The following NECTIN3 variants were observed in gnomAD, a reference collection of about 807,000 sequenced individuals.
NECTIN3 encodes nectin cell adhesion molecule 3.
A neutral mutation model predicts 49.4 loss-of-function variants in NECTIN3; 8 were observed. That is an observed-to-expected ratio of 0.16 (90% CI 0.10 to 0.29). The LOEUF is 0.29. Ranked by LOEUF, NECTIN3 falls within the 10% of genes least tolerant of loss-of-function variation. NECTIN3 has a pLI of 1.00. For missense variants in NECTIN3, 581 were observed against 654.6 expected (o/e 0.89, Z 1.23); for synonymous variants, 277 against 241.1 (o/e 1.15, Z -1.38).
Position 111,134,325 on chromosome 3 carries a change from T to G in NECTIN3, c.*110T>G. ...AAGAATAAGCTTTTTCAAGTTGATT[T>G]TCAAGCTTACTTTTTATATTCTAAT... On this transcript the variant is annotated 3_prime_UTR_variant, in exon 6 of 6. Transcript: ENST00000485303. The G allele has an allele frequency of 6.9e-7, 1 of 1,451,406 alleles. No individual in the cohort carries two copies. The highest frequency in any genetic ancestry group is 9.0e-7 in the Non-Finnish European group (1 of 1,105,498). The allele number at this position is 1,451,406 out of a possible 1,614,324, so 89.9% of individuals were successfully genotyped here. A position where few individuals can be genotyped will look rare whatever the true frequency, so the allele number is the denominator to read the frequency against.
chr3:111,132,897 CT>C (rs1367166985), intron 5 of NECTIN3, among the ~76,000 whole-genome samples: 1 of 151,892 alleles, frequency 6.6e-6, no homozygotes, highest in Admixed American at 6.6e-5. Flanking sequence ...CATATTTTTA[CT>C]TTGTCTATTA....
chr3:111,152,746 A>T (rs547858574), intron 7 of NECTIN3, among the ~76,000 whole-genome samples: 3 of 152,054 alleles, frequency 2.0e-5, no homozygotes, highest in African/African-American at 7.2e-5. Context: ...AACAATTATG[A>T]TTGGAGCTCA....
chr3:111,114,026 G>A (rs1333564605), intron 2 of NECTIN3, among the ~76,000 whole-genome samples: 3 of 152,070 alleles, frequency 2.0e-5, no homozygotes, highest in African/African-American at 4.8e-5. Context: ...CTTTGCATAT[G>A]AAAGAGCAAG....
intron 1 of NECTIN3, among the ~76,000 whole-genome samples, chr3:111,076,289 CA>C (rs1206686883): frequency 3.9e-5 from 6 of 152,084 alleles, no homozygotes; most frequent in Non-Finnish European, 8.8e-5. Flanking sequence ...AGCATTTTGA[CA>C]TTCTGTAACT....
intron 7 of NECTIN3, among the ~76,000 whole-genome samples, chr3:111,161,543 G>A (rs1253312220): frequency 6.6e-6 from 1 of 152,138 alleles, no homozygotes; most frequent in Non-Finnish European, 1.5e-5. Flanking sequence ...GAGCAGCAGG[G>A]GAGTCAGCAT....
intron 1 of NECTIN3, among the ~76,000 whole-genome samples, chr3:111,094,295 G>A (rs1164056240): frequency 6.6e-6 from 1 of 151,810 alleles, no homozygotes; most frequent in African/African-American, 2.4e-5. Flanking sequence ...TTCACCCATA[G>A]GCATAGTTTT....
At chr3:111,167,126 T>A (rs2035334425) in intron 7 of NECTIN3, among the ~76,000 whole-genome samples, 1 of 152,228 alleles carries the variant, frequency 6.6e-6, no homozygotes, top group East Asian at 1.9e-4. Flanking sequence ...GTAGCCACAT[T>A]CACTTTGTAA....
chr3:111,180,615 G>A (rs937812431), intron 7 of NECTIN3, among the ~76,000 whole-genome samples: 3 of 152,138 alleles, frequency 2.0e-5, no homozygotes, highest in African/African-American at 7.2e-5. Context: ...TAATAGATAT[G>A]AGTGTAATAT....
intron 7 of NECTIN3, among the ~76,000 whole-genome samples, chr3:111,155,371 AC>A (rs1157322558): frequency 6.6e-6 from 1 of 152,198 alleles, no homozygotes; most frequent in East Asian, 1.9e-4. Context: ...TTTAATCAAG[AC>A]TTGATTGATT....
intron 7 of NECTIN3, among the ~76,000 whole-genome samples, chr3:111,179,298 G>C (rs555532471): frequency 6.6e-6 from 1 of 152,230 alleles, no homozygotes; most frequent in South Asian, 2.1e-4. Flanking sequence ...CCTGTTCTTT[G>C]CAAGTAGTAA....
chr3:111,081,450 G>C (rs977630902), intron 1 of NECTIN3, among the ~76,000 whole-genome samples: 3 of 152,198 alleles, frequency 2.0e-5, no homozygotes, highest in Non-Finnish European at 2.9e-5. Flanking sequence ...GTGTATGTGT[G>C]TGTGTGTATT....
At chr3:111,104,079 A>G (rs1226640479) in intron 1 of NECTIN3, among the ~76,000 whole-genome samples, 1 of 152,136 alleles carries the variant, frequency 6.6e-6, no homozygotes, top group African/African-American at 2.4e-5. Flanking sequence ...ACTTTAAGAG[A>G]CTGCTAAGTG....
intron 7 of NECTIN3, among the ~76,000 whole-genome samples, chr3:111,178,152 G>A (rs2035564637): frequency 6.6e-6 from 1 of 152,182 alleles, no homozygotes; most frequent in African/African-American, 2.4e-5. Flanking sequence ...TTTTGGTTAA[G>A]ACAGCATTTT....
downstream of NECTIN3, among the ~76,000 whole-genome samples, chr3:111,138,303 T>C (rs1295065232): frequency 6.6e-6 from 1 of 151,590 alleles, no homozygotes; most frequent in Non-Finnish European, 1.5e-5. Flanking sequence ...TTAGACTGGG[T>C]TGTTTTGTTC....
rs1256197093 is a variant in NECTIN3, at chr3:111,071,996, C to T, written c.-22C>T. On this transcript the variant is annotated 5_prime_UTR_variant, in exon 1 of 6. Transcript: ENST00000485303. ...GGGAGCCGGGGGGCGGGCGGGCGAGCGGGCCGGGGGGAGGGTGGGGGATGG... is the reference window on the plus strand; with the variant it reads ...GGGAGCCGGGGGGCGGGCGGGCGAGTGGGCCGGGGGGAGGGTGGGGGATGG... 3 of 1,145,544 alleles carry T rather than the reference C, an allele frequency of 2.6e-6. No individual in the cohort carries two copies. The East Asian group carries it at 1.6e-4, about 62-fold the overall frequency. 71.0% of individuals were successfully genotyped at this position (1,145,544 alleles called of 1,614,324 possible).
chr3:111,147,628 A>T, intron 7 of NECTIN3: 2 of 722,680 alleles, frequency 2.8e-6, no homozygotes, highest in Non-Finnish European at 4.4e-6. Context: ...TTGTTTAGTC[A>T]TTATGCATTA....
At chr3:111,164,701 A>G (rs759984238) in intron 7 of NECTIN3, among the ~76,000 whole-genome samples, 5 of 152,264 alleles carry the variant, frequency 3.3e-5, no homozygotes, top group South Asian at 2.1e-4. Context: ...CTTCCTCTCT[A>G]TAACTACATT....
At chr3:111,076,505 A>G (rs2031211155) in intron 1 of NECTIN3, among the ~76,000 whole-genome samples, 1 of 152,136 alleles carries the variant, frequency 6.6e-6, no homozygotes, top group Non-Finnish European at 1.5e-5. Context: ...TACCATGCAC[A>G]CAGATCCAAA....
At chr3:111,127,470 T>C (rs1446609859) in intron 5 of NECTIN3, among the ~76,000 whole-genome samples, 27 of 151,152 alleles carry the variant, frequency 1.8e-4, no homozygotes, top group African/African-American at 6.5e-4. Context: ...ACTTTCTTTT[T>C]TTTTTTTTTT....
Sources: gnomAD v4.1 joint callset for allele counts (sites outside exome capture counted in the v4.1 genomes callset) on GRCh38, gnomAD v4.1.1 for gene constraint, MANE v1.5 for transcripts, NCBI Gene and HGNC (gene_info 2026-07-23, HGNC 2026-07-21) for gene names.